Variants in ARHGAP17 observed in about 807,000 individuals in gnomAD.
ARHGAP17 encodes Rho GTPase activating protein 17, also known as rho GTPase-activating protein 17.
Under a neutral mutation model 99.5 loss-of-function variants are expected in ARHGAP17, and 57 were observed. The ratio of observed to expected loss-of-function variants is 0.57; its 90% CI spans 0.46 to 0.71. The LOEUF (loss-of-function observed/expected upper bound fraction) is 0.71. ARHGAP17 is among the 30% of genes least tolerant of loss of function. The pLI, the probability that ARHGAP17 is intolerant of heterozygous loss-of-function variation, is 0.00. For synonymous variants in ARHGAP17, 417 were observed against 429.6 expected, an observed-to-expected ratio of 0.97 and a Z score of 0.36; for missense variants, 1,000 against 1,122.4, an observed-to-expected ratio of 0.89 and a Z score of 1.56.
chr16:24,952,164 C>G, intron 12 of ARHGAP17, 125 bp downstream of exon 12: 1 of 638,884 alleles, frequency 1.6e-6, no homozygotes, highest in Non-Finnish European at 2.6e-6. Flanking sequence ...AGAGCTGAGA[C>G]ATGTATTATT....
chr16:24,957,942 G>A (rs2051860426), intron 9 of ARHGAP17, among the ~76,000 whole-genome samples: 1 of 152,200 alleles, frequency 6.6e-6, no homozygotes, highest in Admixed American at 6.5e-5. Flanking sequence ...GACAAGATAA[G>A]TCTTTCTGAA....
chr16:24,985,660 C>A (rs748813831), intron 1 of ARHGAP17, among the ~76,000 whole-genome samples: 34 of 152,208 alleles, frequency 2.2e-4, no homozygotes, highest in Non-Finnish European at 4.3e-4. Context: ...CAAACTTAGT[C>A]CCCCTCTGCC....
intron 1 of ARHGAP17, among the ~76,000 whole-genome samples, chr16:24,998,556 T>A (rs2053267570): frequency 6.6e-6 from 1 of 151,636 alleles, no homozygotes; most frequent in South Asian, 2.1e-4. Context: ...GTGTCTGGGG[T>A]AGGGTGAAGT....
At chr16:24,948,327 T>G (rs2051533876) in intron 13 of ARHGAP17, among the ~76,000 whole-genome samples, 1 of 152,202 alleles carries the variant, frequency 6.6e-6, no homozygotes, top group Non-Finnish European at 1.5e-5. Context: ...ATGTATCTGC[T>G]TACGTCTACA....
intron 1 of ARHGAP17, among the ~76,000 whole-genome samples, chr16:24,994,398 T>C (rs1217474138): frequency 6.6e-6 from 1 of 152,228 alleles, no homozygotes; most frequent in Non-Finnish European, 1.5e-5. Context: ...CATGCATACT[T>C]TGCACTAACT....
intron 3 of ARHGAP17, 111 bp downstream of exon 3, chr16:24,977,104 G>A: frequency 1.4e-6 from 1 of 732,344 alleles, no homozygotes; most frequent in Non-Finnish European, 2.0e-6. Context: ...GGTGATAGAA[G>A]TCACCAAAGG....
At chr16:24,958,750 T>TC (rs1241239454) in intron 9 of ARHGAP17, among the ~76,000 whole-genome samples, 7 of 151,974 alleles carry the variant, frequency 4.6e-5, no homozygotes, top group South Asian at 4.2e-4. Context: ...CCACAAAGCA[T>TC]CCCCCCCACA....
intron 19 of ARHGAP17, among the ~76,000 whole-genome samples, chr16:24,922,416 G>A (rs1032236472): frequency 3.3e-5 from 5 of 151,890 alleles, no homozygotes; most frequent in African/African-American, 1.2e-4. Context: ...TTAGATTTGT[G>A]CCTCTCTGAA....
intron 12 of ARHGAP17, 84 bp from the exon 13 acceptor site, chr16:24,949,568 A>T: frequency 2.6e-6 from 3 of 1,164,378 alleles, no homozygotes; most frequent in Non-Finnish European, 3.7e-6. Context: ...TGAGGCCTCC[A>T]TTTTGACAGA....
intron 1 of ARHGAP17, among the ~76,000 whole-genome samples, chr16:24,995,554 T>C (rs1231967246): frequency 6.6e-6 from 1 of 152,196 alleles, no homozygotes; most frequent in African/African-American, 2.4e-5. Flanking sequence ...GTGAGCAAAC[T>C]TATTTGCTGA....
chr16:24,957,597 C>T (rs558056841), intron 9 of ARHGAP17: 9 of 152,382 alleles, frequency 5.9e-5, no homozygotes, highest in Non-Finnish European at 8.8e-5. Context: ...ACGGCCCATG[C>T]CGGGTCAAAT....
At chr16:24,926,108 T>TAAA (rs1217869257) in intron 19 of ARHGAP17, among the ~76,000 whole-genome samples, 1 of 104,372 alleles carries the variant, frequency 9.6e-6, no homozygotes, top group African/African-American at 9.1e-5. Flanking sequence ...AGACTCCGTC[T>TAAA]GAAAAAAAAA....
chr16:25,010,990 A>G (rs891842), intron 1 of ARHGAP17, among the ~76,000 whole-genome samples: 122,456 of 152,180 alleles, frequency 0.8, 49,756 homozygotes, highest in African/African-American at 0.89. Flanking sequence ...TCAGAGCCTC[A>G]GTACTATGCT....
intron 10 of ARHGAP17, among the ~76,000 whole-genome samples, 185 bp downstream of exon 10, chr16:24,954,418 G>C (rs1049587495): frequency 3.9e-5 from 6 of 152,194 alleles, no homozygotes; most frequent in Non-Finnish European, 7.3e-5. Context: ...GTATCATAGG[G>C]AACAGGGTTG....
chr16:24,952,879 C>G, intron 11 of ARHGAP17, 52 bp downstream of exon 11: 1 of 1,552,106 alleles, frequency 6.4e-7, no homozygotes, highest in Non-Finnish European at 8.9e-7. Context: ...GAGACAGAAC[C>G]TGCCCACCGC....
rs531177885 is a variant in ARHGAP17 at position 24,950,851 on chromosome 16, A to G, written c.1047-1367T>C. Reference sequence around the variant, plus strand: ...GACTCCAACTCAAAAAAAAAAAAAAAAAAAAAAGAAAAAAGCTCAAATGCA... The same window carrying G: ...GACTCCAACTCAAAAAAAAAAAAAAGAAAAAAAGAAAAAAGCTCAAATGCA... On this transcript the variant is annotated intron_variant, in intron 12 of 19. Transcript: ENST00000289968. 1.2e-4 allele frequency among the ~76,000 whole-genome samples: 18 copies of G among 151,318 alleles called. No individual in the cohort carries two copies. In the South Asian group the frequency reaches 2.3e-3, roughly 19 times the overall value.
At chr16:24,969,362 G>T (rs546007790) in intron 4 of ARHGAP17, among the ~76,000 whole-genome samples, 6 of 152,128 alleles carry the variant, frequency 3.9e-5, no homozygotes, top group African/African-American at 1.4e-4. Flanking sequence ...TCTCTATGGG[G>T]TTTTTTTGAC....
chr16:24,921,514 G>A (rs893063631), intron 19 of ARHGAP17, among the ~76,000 whole-genome samples: 3 of 152,054 alleles, frequency 2.0e-5, no homozygotes, highest in Non-Finnish European at 2.9e-5. Flanking sequence ...ATTTCTGTTC[G>A]ACCTGCTCCC....
chr16:24,923,887 G>A (rs1329143281), intron 19 of ARHGAP17, among the ~76,000 whole-genome samples: 2 of 152,118 alleles, frequency 1.3e-5, no homozygotes, highest in East Asian at 1.9e-4. Context: ...GGAAACAGAA[G>A]TGGGTATTTA....
Sources: allele counts gnomAD v4.1 joint callset (sites outside exome capture counted in the v4.1 genomes callset), GRCh38; gene constraint gnomAD v4.1.1; transcripts MANE v1.5; gene names NCBI Gene and HGNC (gene_info 2026-07-23, HGNC 2026-07-21).